MAPK1IP1L: variants seen among roughly 807,000 people sequenced by gnomAD.
MAPK1IP1L encodes the protein mitogen-activated protein kinase 1 interacting protein 1 like, also known as MAPK-interacting and spindle-stabilizing protein-like.
Under a neutral mutation model 18.1 loss-of-function variants are expected in MAPK1IP1L, and 10 were observed. The ratio of observed to expected loss-of-function variants is 0.55; its 90% CI spans 0.34 to 0.94. The LOEUF is 0.94. MAPK1IP1L is among the 40% of genes least tolerant of loss of function. MAPK1IP1L has a pLI of 0.02. For synonymous variants in MAPK1IP1L, 115 were observed against 117.3 expected, an observed-to-expected ratio of 0.98 and a Z score of 0.13; for missense variants, 260 against 318.2, an observed-to-expected ratio of 0.82 and a Z score of 1.39.
intron 1 of MAPK1IP1L, among the ~76,000 whole-genome samples, chr14:55,058,692 C>T (rs1296417945): frequency 1.3e-5 from 2 of 151,984 alleles, no homozygotes; most frequent in African/African-American, 2.4e-5. Flanking sequence ...ATTAGCCGGG[C>T]ATGGCGGCGC....
At position 55,070,097 on chromosome 14, in the gene MAPK1IP1L, A is replaced by T. The variant is rs1435866707; in HGVS notation, c.*5470A>T. On this transcript the variant is annotated 3_prime_UTR_variant, in exon 4 of 4. Coordinates refer to ENST00000395468, the MANE Select transcript of MAPK1IP1L (RefSeq NM_144578.4). ...GACAAAATGCAGCTGTAAAATTTTA[A>T]ATTGTTTTTGATATGTTATTCAATA... 6.6e-6 allele frequency: 1 copy of T among 152,194 alleles called. No homozygotes were observed. The highest frequency in any genetic ancestry group is 1.5e-5 in the Non-Finnish European group (1 of 68,038). 9.4% of individuals were successfully genotyped at this position (152,194 alleles called of 1,614,324 possible).
At chr14:55,060,176 T>C (rs2042805454) in intron 1 of MAPK1IP1L, among the ~76,000 whole-genome samples, 1 of 122,968 alleles carries the variant, frequency 8.1e-6, no homozygotes, top group African/African-American at 3.2e-5. Flanking sequence ...TTTTTTTTTT[T>C]TTTTTTTTTT....
At chr14:55,056,777 G>A (rs2042775616) in intron 1 of MAPK1IP1L, among the ~76,000 whole-genome samples, 1 of 152,142 alleles carries the variant, frequency 6.6e-6, no homozygotes, top group Admixed American at 6.5e-5. Flanking sequence ...CCAAAGTGCT[G>A]GGATTACAGG....
At position 55,062,804 on chromosome 14, in the gene MAPK1IP1L, A is replaced by G. The variant is rs747850316; in HGVS notation, c.205A>G (p.Thr69Ala). 5 of 1,614,092 alleles carry G rather than the reference A, an allele frequency of 3.1e-6. No homozygotes were observed. The highest frequency in any genetic ancestry group is 8.5e-7 in the Non-Finnish European group (1 of 1,179,988). ...PSTVPFGPAPTGMYPSVPPTG... is the reference protein window; with the variant it reads ...PSTVPFGPAPAGMYPSVPPTG... ...CACTGTGCCTTTTGGACCAGCACCA[A>G]CAGGAATGTATCCCTCCGTGCCTCC... The change falls in exon 3 of 4, where the codon ACA becomes GCA. Residue 69 changes from threonine (T) to alanine (A), a missense_variant. Physicochemically the swap from Thr to Ala is moderately conservative, Grantham distance 58. Transcript: ENST00000395468.
intron 3 of MAPK1IP1L, among the ~76,000 whole-genome samples, chr14:55,063,684 C>A (rs2140261898): frequency 6.6e-6 from 1 of 152,208 alleles, no homozygotes; most frequent in South Asian, 2.1e-4. Context: ...CACCAAAGTA[C>A]AGTTCAGTAA....
chr14:55,063,410 T>C (rs2042836231), intron 3 of MAPK1IP1L, 85 bp downstream of exon 3: 1 of 1,204,104 alleles, frequency 8.3e-7, no homozygotes, highest in East Asian at 2.4e-5. Flanking sequence ...GATGGAAGAT[T>C]AAGAAGGCTT....
intron 1 of MAPK1IP1L, among the ~76,000 whole-genome samples, chr14:55,057,290 T>A (rs767156208): frequency 8.5e-5 from 13 of 152,210 alleles, no homozygotes; most frequent in Admixed American, 2.0e-4. Context: ...GCGTATTTTT[T>A]ATCTGGAAAT....
intron 2 of MAPK1IP1L, 35 bp from the exon 3 acceptor site, chr14:55,062,583 C>G (rs1202437358): frequency 6.5e-7 from 1 of 1,541,320 alleles, no homozygotes; most frequent in Non-Finnish European, 8.8e-7. Context: ...TAACTTTTCC[C>G]TAGATAGGAA....
chr14:55,063,347 T>C (rs1357619925), intron 3 of MAPK1IP1L, 22 bp downstream of exon 3: 1 of 1,558,888 alleles, frequency 6.4e-7, no homozygotes, highest in South Asian at 1.2e-5. Context: ...ATTTGTTATT[T>C]AAAGTGTACT....
rs779307591 is a variant in MAPK1IP1L at position 55,051,785 on chromosome 14, C to T, written c.-23C>T. On this transcript the variant is annotated 5_prime_UTR_variant, in exon 1 of 4. Coordinates refer to ENST00000395468, the MANE Select transcript of MAPK1IP1L (RefSeq NM_144578.4). ...CCATCGCCGCTTCTAGACCCTACTG[C>T]GGTCTCGGATATTGCCGGGTGAGGC... is the stretch of plus-strand genomic sequence containing the variant. 11 of 502,730 alleles carry T rather than the reference C, an allele frequency of 2.2e-5. No individual in the cohort carries two copies. Among genetic ancestry groups the T allele is most frequent in the South Asian group, 1.4e-4 (10 of 70,548 alleles). 31.1% of individuals were successfully genotyped at this position (502,730 alleles called of 1,614,324 possible).
intron 1 of MAPK1IP1L, among the ~76,000 whole-genome samples, chr14:55,061,255 G>A (rs1343353814): frequency 2.0e-5 from 3 of 152,208 alleles, no homozygotes; most frequent in African/African-American, 7.2e-5. Context: ...GGTAAAAGGA[G>A]TTAGAGAAAT....
chr14:55,054,177 CTTT>C (rs371063665), intron 1 of MAPK1IP1L, among the ~76,000 whole-genome samples: 1 of 127,286 alleles, frequency 7.9e-6, no homozygotes. Context: ...TTTATATTTT[CTTT>C]TTTTTTTTTT....
intron 3 of MAPK1IP1L, 103 bp from the exon 4 acceptor site, chr14:55,064,513 G>C: frequency 1.0e-6 from 1 of 963,242 alleles, no homozygotes; most frequent in Admixed American, 2.0e-5. Context: ...GTGACTTGCT[G>C]TTTGGATTTA....
At chr14:55,061,430 C>G (rs2042817273) in intron 1 of MAPK1IP1L, among the ~76,000 whole-genome samples, 1 of 152,014 alleles carries the variant, frequency 6.6e-6, no homozygotes, top group Admixed American at 6.6e-5. Flanking sequence ...TATACTGCTA[C>G]AAAAAGAAGG....
chr14:55,051,775 G>A lies in MAPK1IP1L; in HGVS notation c.-33G>A. 2.0e-6 allele frequency: 1 copy of A among 509,800 alleles called. No individual in the cohort carries two copies. The allele number at this position is 509,800 out of a possible 1,614,324, so 31.6% of individuals were successfully genotyped here. A position where few individuals can be genotyped will look rare whatever the true frequency, so the allele number is the denominator to read the frequency against. ...TCCCTCGGACCCATCGCCGCTTCTA[G>A]ACCCTACTGCGGTCTCGGATATTGC... On this transcript the variant is annotated 5_prime_UTR_variant, in exon 1 of 4. Coordinates refer to ENST00000395468, the MANE Select transcript of MAPK1IP1L (RefSeq NM_144578.4).
chr14:55,058,831 CAA>C (rs113433341), intron 1 of MAPK1IP1L, among the ~76,000 whole-genome samples: 7 of 109,336 alleles, frequency 6.4e-5, no homozygotes, highest in Admixed American at 1.9e-4. Flanking sequence ...GACCCTGTCT[CAA>C]AAAAAAAAAA....
chr14:55,065,392 A>G lies in MAPK1IP1L; in HGVS notation c.*765A>G, dbSNP rs1037600299. ...CTTGAGATTTGATTATGAGATGTGC[A>G]TATTGCTTTGGGAAGAGCTCGAGGA... is the stretch of plus-strand genomic sequence containing the variant. On this transcript the variant is annotated 3_prime_UTR_variant, in exon 4 of 4. Transcript: ENST00000395468. 3.3e-5 allele frequency: 5 copies of G among 152,232 alleles called. No homozygotes were observed. The highest frequency in any genetic ancestry group is 2.6e-4 in the Admixed American group (4 of 15,282). The allele number at this position is 152,232 out of a possible 1,614,324, so 9.4% of individuals were successfully genotyped here. A position where few individuals can be genotyped will look rare whatever the true frequency, so the allele number is the denominator to read the frequency against.
intron 1 of MAPK1IP1L, chr14:55,060,767 A>T (rs2042811699): frequency 6.6e-6 from 1 of 152,188 alleles, no homozygotes; most frequent in South Asian, 2.1e-4. Flanking sequence ...CTGAACACTT[A>T]AGATCTCTGC....
At chr14:55,053,720 G>A (rs868259370) in intron 1 of MAPK1IP1L, among the ~76,000 whole-genome samples, 29 of 152,192 alleles carry the variant, frequency 1.9e-4, no homozygotes, top group African/African-American at 6.7e-4. Flanking sequence ...TACACTAACT[G>A]CTCTTCTTTC....
Sources: allele counts gnomAD v4.1 joint callset (sites outside exome capture counted in the v4.1 genomes callset), GRCh38; gene constraint gnomAD v4.1.1; transcripts MANE v1.5; gene names NCBI Gene and HGNC (gene_info 2026-07-23, HGNC 2026-07-21).